The following NAALADL2 variants were observed in gnomAD, a reference collection of about 807,000 sequenced individuals.
NAALADL2 encodes inactive N-acetylated-alpha-linked acidic dipeptidase-like protein 2.
NAALADL2 carries 76 observed loss-of-function variants against 87.2 expected under a neutral mutation model. The ratio of observed to expected loss-of-function variants is 0.87; its 90% CI spans 0.72 to 1.05. NAALADL2 has a LOEUF of 1.05. NAALADL2 is among the 50% of genes least tolerant of loss of function. The pLI is 0.00. For synonymous variants in NAALADL2, 354 were observed against 331.0 expected, an observed-to-expected ratio of 1.07 and a Z score of -0.75; for missense variants, 1,089 against 945.8, an observed-to-expected ratio of 1.15 and a Z score of -1.99.
intron 5 of NAALADL2, among the ~76,000 whole-genome samples, chr3:175,381,417 A>G (rs927539286): frequency 2.6e-5 from 4 of 151,860 alleles, no homozygotes; most frequent in Non-Finnish European, 5.9e-5. Context: ...TCTCTATTTA[A>G]TAATTCCTGA....
chr3:175,747,122 A>G (rs760439640), intron 12 of NAALADL2, among the ~76,000 whole-genome samples: 112 of 152,182 alleles, frequency 7.4e-4, no homozygotes, highest in Non-Finnish European at 1.3e-3. Flanking sequence ...TATGTCTTCA[A>G]AACTAGTTTT....
At chr3:175,799,394 A>ATGAC (rs1349681544) in intron 13 of NAALADL2, among the ~76,000 whole-genome samples, 2 of 152,110 alleles carry the variant, frequency 1.3e-5, no homozygotes, top group African/African-American at 4.8e-5. Context: ...TGATTACTAA[A>ATGAC]TGACTTTTTC....
intron 3 of NAALADL2, among the ~76,000 whole-genome samples, chr3:174,779,936 G>A (rs903116908): frequency 6.6e-6 from 1 of 151,996 alleles, no homozygotes; most frequent in South Asian, 2.1e-4. Context: ...TTTTGCTTAG[G>A]GTTGTCTTGG....
intron 10 of NAALADL2, among the ~76,000 whole-genome samples, chr3:175,591,213 T>C (rs1721407797): frequency 6.6e-6 from 1 of 152,190 alleles, no homozygotes; most frequent in South Asian, 2.1e-4. Context: ...ATTTTGTCTG[T>C]TTTATTATTG....
At chr3:174,775,945 A>G (rs1278340319) in intron 3 of NAALADL2, among the ~76,000 whole-genome samples, 1 of 152,162 alleles carries the variant, frequency 6.6e-6, no homozygotes. Context: ...AAACAGCTTT[A>G]GTTATCTGGA....
At chr3:175,802,619 C>G (rs1346272544) in intron 13 of NAALADL2, among the ~76,000 whole-genome samples, 1 of 150,256 alleles carries the variant, frequency 6.7e-6, no homozygotes, top group Non-Finnish European at 1.5e-5. Context: ...TTTTCCACAT[C>G]TATATTTTGC....
At chr3:174,998,838 C>T (rs1747869633) in intron 1 of NAALADL2, among the ~76,000 whole-genome samples, 1 of 152,058 alleles carries the variant, frequency 6.6e-6, no homozygotes, top group Admixed American at 6.6e-5. Flanking sequence ...TAGGTCATGG[C>T]TAAAACCCAG....
At chr3:175,126,625 C>CCAAAA (rs1467623077) in intron 2 of NAALADL2, among the ~76,000 whole-genome samples, 1 of 152,042 alleles carries the variant, frequency 6.6e-6, no homozygotes, top group Non-Finnish European at 1.5e-5. Flanking sequence ...TTTATTGTCA[C>CCAAAA]CAAAACAAAA....
intron 4 of NAALADL2, among the ~76,000 whole-genome samples, chr3:175,282,773 A>G (rs538477383): frequency 2.6e-5 from 4 of 152,190 alleles, no homozygotes; most frequent in South Asian, 2.1e-4. Flanking sequence ...CAGTTCTGCA[A>G]TCTTGTTTCC....
chr3:174,850,466 G>T (rs1725121574), intron 3 of NAALADL2, among the ~76,000 whole-genome samples: 1 of 152,058 alleles, frequency 6.6e-6, no homozygotes, highest in African/African-American at 2.4e-5. Flanking sequence ...AAAAGAGCAG[G>T]ACTGTATTTA....
chr3:175,433,118 CCT>C (rs1313237378), intron 5 of NAALADL2, among the ~76,000 whole-genome samples: 1 of 151,990 alleles, frequency 6.6e-6, no homozygotes, highest in African/African-American at 2.4e-5. Flanking sequence ...TGGTTTGCTC[CCT>C]GTTTCCATCC....
chr3:174,576,170 A>G (rs1199242693), intron 2 of NAALADL2, among the ~76,000 whole-genome samples: 3 of 152,144 alleles, frequency 2.0e-5, no homozygotes, highest in African/African-American at 7.2e-5. Flanking sequence ...GCCTGGGTAT[A>G]TATTGTTTAA....
At chr3:175,003,597 T>G (rs1169790598) in intron 1 of NAALADL2, among the ~76,000 whole-genome samples, 1 of 152,006 alleles carries the variant, frequency 6.6e-6, no homozygotes, top group Non-Finnish European at 1.5e-5. Flanking sequence ...ATTCCATAAG[T>G]TAAATAAGAA....
intron 3 of NAALADL2, among the ~76,000 whole-genome samples, chr3:174,854,170 A>G (rs1322234456): frequency 6.6e-6 from 1 of 152,218 alleles, no homozygotes; most frequent in Non-Finnish European, 1.5e-5. Context: ...AAAATATAGT[A>G]CTTATACATA....
chr3:174,950,883 T>G (rs1214221254), intron 1 of NAALADL2, among the ~76,000 whole-genome samples: 2 of 152,080 alleles, frequency 1.3e-5, no homozygotes, highest in Non-Finnish European at 2.9e-5. Flanking sequence ...GCTATTAACA[T>G]TTGTATGTTT....
At position 175,705,540 on chromosome 3, in the gene NAALADL2, A is replaced by C. The variant is rs184990551; in HGVS notation, c.1897-31766A>C. ...AAAGAAGTTGGAGGTGAGGAGAAAGAGAAGAAAGAAGAAGAAAAAAAAAAA... is the reference window on the plus strand; with the variant it reads ...AAAGAAGTTGGAGGTGAGGAGAAAGCGAAGAAAGAAGAAGAAAAAAAAAAA... On this transcript the variant is annotated intron_variant, in intron 11 of 13. Transcript: ENST00000454872. 2.2e-3 allele frequency among the ~76,000 whole-genome samples: 309 copies of C among 140,396 alleles called. 4 individuals carry two copies. Among genetic ancestry groups the C allele is most frequent in the Non-Finnish European group, 1.7e-3 (112 of 65,202 alleles). 92.1% of individuals were successfully genotyped at this position (140,396 alleles called of 152,430 possible). A position where few individuals can be genotyped will look rare whatever the true frequency, so the allele number is the denominator to read the frequency against.
At chr3:175,617,492 T>C (rs184053167) in intron 10 of NAALADL2, among the ~76,000 whole-genome samples, 2 of 152,198 alleles carry the variant, frequency 1.3e-5, no homozygotes, top group African/African-American at 4.8e-5. Flanking sequence ...CTTCCTAAAG[T>C]GCCTTGGCTT....
chr3:174,956,240 T>G (rs1284959562), intron 1 of NAALADL2, among the ~76,000 whole-genome samples: 2 of 152,028 alleles, frequency 1.3e-5, no homozygotes, highest in African/African-American at 4.8e-5. Context: ...TTTCCACGAT[T>G]AGAAGTAATT....
chr3:175,509,818 A>G (rs1730881884), intron 9 of NAALADL2, among the ~76,000 whole-genome samples: 1 of 152,032 alleles, frequency 6.6e-6, no homozygotes, highest in African/African-American at 2.4e-5. Context: ...CAGAACAGGA[A>G]GCAAACACAT....
Sources: allele counts gnomAD v4.1 joint callset (sites outside exome capture counted in the v4.1 genomes callset), GRCh38; gene constraint gnomAD v4.1.1; transcripts MANE v1.5; gene names NCBI Gene and HGNC (gene_info 2026-07-23, HGNC 2026-07-21).